ETV6: variants seen among roughly 807,000 people sequenced by gnomAD.
The protein encoded by ETV6 is transcription factor ETV6.
In ETV6, 16 loss-of-function variants were observed where a neutral mutation model predicts 51.1. The observed-to-expected ratio is 0.31, with a 90% CI of 0.21 to 0.48. The LOEUF is 0.48. Among genes scored for constraint, ETV6 ranks in the 20% least tolerant of loss-of-function variants. ETV6 has a pLI of 0.99. For missense variants in ETV6, 458 were observed against 594.8 expected (o/e 0.77, Z 2.39); for synonymous variants, 240 against 224.1 (o/e 1.07, Z -0.64).
At chr12:11,661,504 A>G (rs987536031) in intron 1 of ETV6, among the ~76,000 whole-genome samples, 8 of 152,190 alleles carry the variant, frequency 5.3e-5, no homozygotes, top group East Asian at 1.9e-4. Flanking sequence ...TGAACCCAGT[A>G]GGAGAGTTGT....
chr12:11,778,772 A>G (rs7298216), intron 2 of ETV6, among the ~76,000 whole-genome samples: 5,481 of 152,300 alleles, frequency 0.036, 335 homozygotes, highest in African/African-American at 0.12. Flanking sequence ...TGCATGGTTT[A>G]TATAAAAGCT....
chr12:11,802,762 T>G (rs1336688007), intron 2 of ETV6, among the ~76,000 whole-genome samples: 1 of 152,222 alleles, frequency 6.6e-6, no homozygotes, highest in Non-Finnish European at 1.5e-5. Context: ...TCCTAAATCA[T>G]GCCTTGGATT....
Position 11,869,777 on chromosome 12 carries a change from A to G in ETV6, c.817A>G (p.Ile273Val), listed in dbSNP as rs768784237. ...TRVIQLMPSP[I>V]MHPLILNPRH... is the part of the protein sequence containing the mutation. Reference sequence around the variant, plus strand: ...CGTGATCCAGCTGATGCCCAGCCCCATCATGCACCCTCTGATCCTGAACCC... The same window carrying G: ...CGTGATCCAGCTGATGCCCAGCCCCGTCATGCACCCTCTGATCCTGAACCC... The change falls in exon 5 of 8, where the codon ATC becomes GTC. Residue 273 changes from isoleucine to valine, a missense_variant. By Grantham distance (29) the Ile-to-Val change is conservative. Around this residue, in one of 4 missense-constraint regions of ETV6, gnomAD observed 293 missense variants for 315.7 expected, o/e 0.93. Transcript: ENST00000396373. This position sits in a 1 kb window ranked among gnomAD's most constrained non-coding sequence, Gnocchi z 5.0. 13 of 1,613,220 alleles carry G rather than the reference A, an allele frequency of 8.1e-6. No individual in the cohort carries two copies. Among genetic ancestry groups the G allele is most frequent in the Admixed American group, 6.7e-5 (4 of 59,998 alleles).
intron 5 of ETV6, among the ~76,000 whole-genome samples, chr12:11,871,215 T>TC (rs59691647): frequency 4.7e-5 from 7 of 148,270 alleles, no homozygotes; most frequent in Non-Finnish European, 1.1e-4. Context: ...TTTTTTTTTT[T>TC]CCACACTCTG....
chr12:11,792,587 T>A (rs1039291381), intron 2 of ETV6, among the ~76,000 whole-genome samples: 22 of 151,712 alleles, frequency 1.5e-4, no homozygotes, highest in Non-Finnish European at 1.9e-4. Context: ...CTCGGGAGGC[T>A]GAGGTGGGAG....
intron 1 of ETV6, among the ~76,000 whole-genome samples, chr12:11,696,945 A>G (rs1215321878): frequency 1.3e-5 from 2 of 152,236 alleles, no homozygotes; most frequent in Non-Finnish European, 2.9e-5. Flanking sequence ...TCTAGTAGCA[A>G]TTTGGCTGAC....
intron 2 of ETV6, among the ~76,000 whole-genome samples, chr12:11,776,144 C>T (rs1328650455): frequency 6.6e-6 from 1 of 152,156 alleles, no homozygotes; most frequent in Non-Finnish European, 1.5e-5. Flanking sequence ...AGACTAAGCC[C>T]AGGGAGGTTT....
intron 3 of ETV6, among the ~76,000 whole-genome samples, chr12:11,850,607 C>G (rs546076279): frequency 6.6e-6 from 1 of 152,300 alleles, no homozygotes; most frequent in African/African-American, 2.4e-5. Context: ...CTGAGCTTTT[C>G]CTGTTTGCCT....
intron 4 of ETV6, among the ~76,000 whole-genome samples, chr12:11,858,659 C>G (rs1052002100): frequency 9.9e-5 from 15 of 152,246 alleles, no homozygotes; most frequent in African/African-American, 3.6e-4. Context: ...GCATCCTGTC[C>G]TCTGCCCCAT....
intron 2 of ETV6, among the ~76,000 whole-genome samples, chr12:11,771,126 G>T (rs922851001): frequency 3.3e-5 from 5 of 152,218 alleles, no homozygotes; most frequent in Non-Finnish European, 7.3e-5. Flanking sequence ...ACATTGAGCA[G>T]TGCTTTCACA....
At chr12:11,650,664 A>G (rs1647779046) in intron 1 of ETV6, among the ~76,000 whole-genome samples, 1 of 151,758 alleles carries the variant, frequency 6.6e-6, no homozygotes, top group African/African-American at 2.4e-5. Flanking sequence ...ATCAGACAGG[A>G]TTTTTTTCCC....
intron 1 of ETV6, among the ~76,000 whole-genome samples, chr12:11,658,003 TC>T (rs1401119974): frequency 1.3e-5 from 2 of 152,252 alleles, no homozygotes; most frequent in Non-Finnish European, 1.5e-5. Flanking sequence ...TTGAACTTGT[TC>T]AAGCTACTTA....
chr12:11,891,085 G>A lies in ETV6; in HGVS notation c.*39G>A. 3 of 1,524,090 alleles carry A rather than the reference G, an allele frequency of 2.0e-6. 1 individual carries two copies. In the Middle Eastern group the frequency reaches 5.2e-4, roughly 262 times the overall value. The allele number at this position is 1,524,090 out of a possible 1,614,324, so 94.4% of individuals were successfully genotyped here. A position where few individuals can be genotyped will look rare whatever the true frequency, so the allele number is the denominator to read the frequency against. On this transcript the variant is annotated 3_prime_UTR_variant, in exon 8 of 8. Transcript: ENST00000396373. ...CCACCTCAGCGGGCCAGCAGCCCAG[G>A]GAACCCCTGCCCACCAGGATTGCTG...
chr12:11,891,826 C>T lies in ETV6; in HGVS notation c.*780C>T, dbSNP rs754000212. The stretch of plus-strand genomic sequence containing the variant: ...TGTGGCCAGCAGCACAGAATCAAAC[C>T]CGCATCCCAGCATTGGGCCACCCAT... On this transcript the variant is annotated 3_prime_UTR_variant, in exon 8 of 8. Transcript: ENST00000396373. The T allele has an allele frequency of 1.5e-5, 5 of 336,384 alleles. No individual in the cohort carries two copies. In the East Asian group the frequency reaches 2.3e-4, roughly 16 times the overall value. The allele number at this position is 336,384 out of a possible 1,614,324, so 20.8% of individuals were successfully genotyped here. A position where few individuals can be genotyped will look rare whatever the true frequency, so the allele number is the denominator to read the frequency against.
chr12:11,816,748 C>A (rs1946000500), intron 2 of ETV6, among the ~76,000 whole-genome samples: 1 of 152,190 alleles, frequency 6.6e-6, no homozygotes, highest in South Asian at 2.1e-4. Flanking sequence ...GTGGGGGCAC[C>A]ACACAACAGA....
rs561504521 is a variant in ETV6 at position 11,893,063 on chromosome 12, G to A, written c.*2017G>A. The A allele has an allele frequency of 4.3e-6, 1 of 232,902 alleles. No homozygotes were observed. Among genetic ancestry groups the A allele is most frequent in the South Asian group, 1.8e-4 (1 of 5,524 alleles). The allele number at this position is 232,902 out of a possible 1,614,324, so 14.4% of individuals were successfully genotyped here. ...TCTCAGTCTGCTTGAATGGTGATGA[G>A]ATTCTGCTGGATCTCAGCACGCTGC... On this transcript the variant is annotated 3_prime_UTR_variant, in exon 8 of 8. Coordinates refer to ENST00000396373, the MANE Select transcript of ETV6 (RefSeq NM_001987.5).
At chr12:11,769,593 A>G (rs1342319498) in intron 2 of ETV6, among the ~76,000 whole-genome samples, 1 of 152,204 alleles carries the variant, frequency 6.6e-6, no homozygotes, top group Non-Finnish European at 1.5e-5. Context: ...GAGAAATTTA[A>G]TCTTTCACTT....
intron 1 of ETV6, among the ~76,000 whole-genome samples, chr12:11,739,216 G>A (rs543696653): frequency 6.6e-6 from 1 of 152,300 alleles, no homozygotes; most frequent in South Asian, 2.1e-4. Context: ...TCTGTAAGGG[G>A]CCTCTAGTAT....
At chr12:11,855,509 C>G (rs1193541683) in intron 4 of ETV6, among the ~76,000 whole-genome samples, 2 of 152,200 alleles carry the variant, frequency 1.3e-5, no homozygotes, top group African/African-American at 2.4e-5. Flanking sequence ...GGACCTCAAA[C>G]CCTGGTCCCT....
Sources: allele counts gnomAD v4.1 joint callset (sites outside exome capture counted in the v4.1 genomes callset), GRCh38; gene constraint gnomAD v4.1.1; regional missense constraint gnomAD v4.1.1; non-coding constraint Gnocchi (gnomAD v3.1); transcripts MANE v1.5; gene names NCBI Gene and HGNC (gene_info 2026-07-23, HGNC 2026-07-21).